ARHGAP40: variants seen among roughly 807,000 people sequenced by gnomAD.
ARHGAP40 encodes the protein rho GTPase-activating protein 40.
A neutral mutation model predicts 73.5 loss-of-function variants in ARHGAP40; 43 were observed. The ratio of observed to expected loss-of-function variants is 0.58; its 90% confidence interval spans 0.46 to 0.75. ARHGAP40 has a LOEUF of 0.75. Among genes scored for constraint, ARHGAP40 ranks in the 30% least tolerant of loss-of-function variants. The pLI is 0.00. For missense variants in ARHGAP40, 734 were observed against 861.8 expected (o/e 0.85, Z 1.86); for synonymous variants, 300 against 352.8 (o/e 0.85, Z 1.68).
chr20:38,622,012 C>T (rs1314223401), intron 1 of ARHGAP40, among the ~76,000 whole-genome samples: 1 of 152,072 alleles, frequency 6.6e-6, no homozygotes, highest in Admixed American at 6.6e-5. Flanking sequence ...TCATATCGCA[C>T]CACTGCACTC....
rs191861941 is a variant in ARHGAP40, at chr20:38,633,208, C to T, written c.784-1412C>T. Among the ~76,000 whole-genome samples the T allele has an allele frequency of 3.9e-5, 6 of 152,080 alleles. No homozygotes were observed. In the East Asian group the frequency reaches 1.2e-3, roughly 29 times the overall value. On this transcript the variant is annotated intron_variant, in intron 5 of 14. Transcript: ENST00000373345. Reference sequence around the variant, plus strand: ...GCTGGGGCAGGAGGATCACTTGAGCCGAGTTCAAGGTTACAGTGAGCTGTG... The same window carrying T: ...GCTGGGGCAGGAGGATCACTTGAGCTGAGTTCAAGGTTACAGTGAGCTGTG...
intron 5 of ARHGAP40, among the ~76,000 whole-genome samples, chr20:38,630,105 T>TTTCGTTTC (rs367658162): frequency 0.017 from 1,495 of 89,576 alleles, 21 homozygotes; most frequent in African/African-American, 0.044. Flanking sequence ...TTTCTTTGTT[T>TTTCGTTTC]TTCTTTTCTT....
chr20:38,623,786 C>T (rs2088886192), intron 2 of ARHGAP40, among the ~76,000 whole-genome samples: 1 of 152,172 alleles, frequency 6.6e-6, no homozygotes, highest in African/African-American at 2.4e-5. Context: ...AGATTATGTC[C>T]CTCCTTAGAG....
intron 2 of ARHGAP40, among the ~76,000 whole-genome samples, chr20:38,625,616 G>A (rs2088894867): frequency 1.3e-5 from 2 of 152,140 alleles, no homozygotes; most frequent in South Asian, 2.1e-4. Context: ...ATGGGGTTTC[G>A]CCATGTTGGC....
At chr20:38,616,298 G>A (rs2088838406) in intron 1 of ARHGAP40, among the ~76,000 whole-genome samples, 1 of 152,198 alleles carries the variant, frequency 6.6e-6, no homozygotes, top group South Asian at 2.1e-4. Context: ...CTTCCCCACT[G>A]GGGACAATCT....
chr20:38,649,858 G>A (rs1389588625), exon 15 of ARHGAP40: 7 of 1,304,442 alleles, frequency 5.4e-6, no homozygotes, highest in Non-Finnish European at 6.1e-6. Flanking sequence ...AACCCTGCGA[G>A]TCTCAGGAGC....
intron 7 of ARHGAP40, among the ~76,000 whole-genome samples, chr20:38,638,262 C>T (rs1293181441): frequency 2.0e-5 from 3 of 151,986 alleles, no homozygotes; most frequent in East Asian, 3.9e-4. Flanking sequence ...TTGCAGTGAG[C>T]CGAGATCGCG....
rs753732923 is a variant in ARHGAP40, at chr20:38,628,981, G to C, written c.613G>C (p.Gly205Arg). 4.6e-6 allele frequency: 6 copies of C among 1,304,576 alleles called. No homozygotes were observed. In the South Asian group the frequency reaches 6.2e-5, roughly 13 times the overall value. The allele number at this position is 1,304,576 out of a possible 1,614,324, so 80.8% of individuals were successfully genotyped here. ...TATGAAGGGGGCCCAGCTCAGTTCC[G>C]GGGCCTCTAAGTTTCCTCCAGGTAA... Residue 205 changes from glycine (G) to arginine (R), a missense_variant, in exon 4 of 15, where the codon GGG becomes CGG. By Grantham distance (125) the Gly-to-Arg change is moderately radical. Coordinates refer to ENST00000373345, the Ensembl canonical transcript of ARHGAP40.
intron 9 of ARHGAP40, among the ~76,000 whole-genome samples, chr20:38,640,728 C>T (rs2089013067): frequency 6.6e-6 from 1 of 152,124 alleles, no homozygotes; most frequent in Non-Finnish European, 1.5e-5. Flanking sequence ...CTCCTCTTTC[C>T]TTCCCTGGGG....
At chr20:38,619,197 G>A (rs1412082176) in intron 1 of ARHGAP40, among the ~76,000 whole-genome samples, 1 of 152,264 alleles carries the variant, frequency 6.6e-6, no homozygotes, top group East Asian at 1.9e-4. Context: ...AGCATGGGCA[G>A]GTCAGTCCAA....
At chr20:38,623,630 T>A (rs1023998935) in intron 2 of ARHGAP40, 72 bp downstream of exon 2, 1 of 1,179,830 alleles carries the variant, frequency 8.5e-7, no homozygotes, top group African/African-American at 1.6e-5. Flanking sequence ...TGTCAGAGGA[T>A]CCAGATATGA....
intron 3 of ARHGAP40, 137 bp from the exon 4 acceptor site, chr20:38,628,790 G>A (rs1284388164): frequency 9.4e-6 from 5 of 534,648 alleles, no homozygotes; most frequent in African/African-American, 2.1e-5. Context: ...GGGACTTTGG[G>A]CAAGTAACTC....
chr20:38,611,297 T>C (rs2088803523), intron 1 of ARHGAP40, among the ~76,000 whole-genome samples: 1 of 152,186 alleles, frequency 6.6e-6, no homozygotes, highest in East Asian at 1.9e-4. Flanking sequence ...TGGCTACGAA[T>C]TCAGTTTTGC....
chr20:38,640,106 C>CTT (rs2089006159), intron 9 of ARHGAP40, among the ~76,000 whole-genome samples: 5 of 130,222 alleles, frequency 3.8e-5, no homozygotes, highest in Non-Finnish European at 6.7e-5. Flanking sequence ...TCTTCTTCCT[C>CTT]CTCTTCTTCC....
intron 1 of ARHGAP40, among the ~76,000 whole-genome samples, chr20:38,622,843 C>T (rs1188754468): frequency 6.6e-6 from 1 of 152,146 alleles, no homozygotes; most frequent in Non-Finnish European, 1.5e-5. Flanking sequence ...TATAGCACCT[C>T]TGTGATCAGG....
At chr20:38,648,741 G>A (rs951471399) in intron 14 of ARHGAP40, 43 bp downstream of exon 14, 3 of 1,299,640 alleles carry the variant, frequency 2.3e-6, no homozygotes, top group Non-Finnish European at 2.0e-6. Flanking sequence ...CCGGGTCCCT[G>A]GGAGTTCTTC....
In ARHGAP40 at chr20:38,646,675, A is replaced by ATGTC. The variant is rs1233741348; in HGVS notation, c.1711-278_1711-275dup. Among the ~76,000 whole-genome samples, 1 of 152,114 alleles carries ATGTC rather than the reference A, an allele frequency of 6.6e-6. No individual in the cohort carries two copies. Among genetic ancestry groups the ATGTC allele is most frequent in the African/African-American group, 2.4e-5 (1 of 41,408 alleles). On this transcript the variant is annotated intron_variant, in intron 12 of 14. Coordinates refer to ENST00000373345, the Ensembl canonical transcript of ARHGAP40. The surrounding 1 kb of genome is among the most constrained non-coding windows in gnomAD (Gnocchi z 4.5). ...GTGATGGGTCTTTATACAAACCTACATGTCTGTGTTTGTGGGTGCGTTGCA... is the reference window on the plus strand; with the variant it reads ...GTGATGGGTCTTTATACAAACCTACATGTCTGTCTGTGTTTGTGGGTGCGTTGCA...
intron 1 of ARHGAP40, among the ~76,000 whole-genome samples, chr20:38,608,649 A>C (rs1462586706): frequency 6.6e-6 from 1 of 152,150 alleles, no homozygotes; most frequent in African/African-American, 2.4e-5. Flanking sequence ...CTTAGCCACT[A>C]TAGTGGCTAA....
At chr20:38,632,779 C>G (rs1382322472) in intron 5 of ARHGAP40, among the ~76,000 whole-genome samples, 2 of 151,592 alleles carry the variant, frequency 1.3e-5, no homozygotes, top group East Asian at 3.9e-4. Flanking sequence ...AATTCGAGAC[C>G]AGCCTGGGCA....
Sources: allele counts gnomAD v4.1 joint callset (sites outside exome capture counted in the v4.1 genomes callset), GRCh38; gene constraint gnomAD v4.1.1; non-coding constraint Gnocchi (gnomAD v3.1); transcripts MANE v1.5; gene names NCBI Gene and HGNC (gene_info 2026-07-23, HGNC 2026-07-21).